ZHX2: variants seen among roughly 807,000 people sequenced by gnomAD.
The protein encoded by ZHX2 is zinc fingers and homeoboxes protein 2.
In ZHX2, 6 loss-of-function variants were observed where a neutral mutation model predicts 21.9. That is an observed-to-expected ratio of 0.27 (90% CI 0.15 to 0.54). The LOEUF (loss-of-function observed/expected upper bound fraction) is 0.54. ZHX2 is among the 20% of genes least tolerant of loss of function. The pLI, the probability that ZHX2 is intolerant of heterozygous loss-of-function variation, is 0.95. For synonymous variants in ZHX2, 434 were observed against 437.1 expected (o/e 0.99, Z 0.09); for missense variants, 908 against 1,090.7 (o/e 0.83, Z 2.36).
intron 2 of ZHX2, among the ~76,000 whole-genome samples, chr8:122,909,316 C>T (rs1443535730): frequency 2.6e-5 from 4 of 151,890 alleles, no homozygotes; most frequent in Non-Finnish European, 4.4e-5. Flanking sequence ...GCCTGTAGTC[C>T]CAGCTACTAA....
Position 122,953,778 on chromosome 8 carries a change from A to G in ZHX2, c.2268A>G (p.Ala756=). The G allele has an allele frequency of 6.2e-7, 1 of 1,614,268 alleles. No homozygotes were observed. Among genetic ancestry groups the G allele is most frequent in the Admixed American group, 1.7e-5 (1 of 60,036 alleles). The change falls in exon 3 of 4, where the codon GCA becomes GCG. Residue 756 remains alanine (A), a synonymous_variant. Transcript: ENST00000314393. This position sits in a 1 kb window ranked among gnomAD's most constrained non-coding sequence, Gnocchi z 4.6. ...VTRVKVGSEP[A]KDCLPAKPSE... ...GGGTAAAAGTAGGCAGCGAGCCAGC[A>G]AAAGACTGTTTGCCAGCAAAGCCCT...
chr8:122,913,041 A>C (rs1210529400), intron 2 of ZHX2, among the ~76,000 whole-genome samples: 1 of 152,150 alleles, frequency 6.6e-6, no homozygotes, highest in Non-Finnish European at 1.5e-5. Flanking sequence ...GTTCCCTCCA[A>C]ACTGCCCTGC....
At chr8:122,847,415 C>T (rs1203259249) in intron 1 of ZHX2, among the ~76,000 whole-genome samples, 1 of 152,188 alleles carries the variant, frequency 6.6e-6, no homozygotes, top group African/African-American at 2.4e-5. Flanking sequence ...TGACCTTCTC[C>T]AACAGGTTTC....
At chr8:122,808,103 A>G (rs1273660816) in intron 1 of ZHX2, among the ~76,000 whole-genome samples, 1 of 152,176 alleles carries the variant, frequency 6.6e-6, no homozygotes, top group Non-Finnish European at 1.5e-5. Context: ...CTCCTCATAT[A>G]TAAGATGGGG....
chr8:122,910,478 C>T (rs1001221367), intron 2 of ZHX2, among the ~76,000 whole-genome samples: 4 of 152,156 alleles, frequency 2.6e-5, no homozygotes, highest in Non-Finnish European at 4.4e-5. Flanking sequence ...GTTGTGAAAT[C>T]GGTTTAGCAG....
rs747105183 is a variant in ZHX2, at chr8:122,951,475, C to T, written c.-36C>T. The T allele has an allele frequency of 2.6e-6, 4 of 1,566,746 alleles. No individual in the cohort carries two copies. The Admixed American group carries it at 5.4e-5, about 21-fold the overall frequency. ...AATCTCACCGCCCCCTCCTTATCCC[C>T]CTCCAAAAATAAGCCATTGCACACA... On this transcript the variant is annotated 5_prime_UTR_variant, in exon 3 of 4. Transcript: ENST00000314393.
At chr8:122,812,846 C>T (rs1041373363) in intron 1 of ZHX2, among the ~76,000 whole-genome samples, 1 of 152,058 alleles carries the variant, frequency 6.6e-6, no homozygotes, top group Non-Finnish European at 1.5e-5. Flanking sequence ...TGTGCCTGGC[C>T]CTGTTGTAAG....
chr8:122,927,062 A>G (rs7832373), intron 2 of ZHX2, among the ~76,000 whole-genome samples: 52,275 of 152,138 alleles, frequency 0.34, 10,535 homozygotes, highest in African/African-American at 0.57. Context: ...GGAGGACCAC[A>G]ATGCTGCCCA....
chr8:122,805,649 C>T (rs1000553457), intron 1 of ZHX2, among the ~76,000 whole-genome samples: 3 of 151,556 alleles, frequency 2.0e-5, no homozygotes, highest in African/African-American at 7.3e-5. Flanking sequence ...AACATAAGAG[C>T]TTCTGTCCTA....
chr8:122,928,452 G>A (rs9792167), intron 2 of ZHX2, among the ~76,000 whole-genome samples: 42,136 of 151,880 alleles, frequency 0.28, 6,336 homozygotes, highest in African/African-American at 0.41. Context: ...GAGGTTTGGG[G>A]GGTACCTTGG....
At chr8:122,893,023 C>T (rs1490653107) in intron 2 of ZHX2, among the ~76,000 whole-genome samples, 2 of 152,182 alleles carry the variant, frequency 1.3e-5, no homozygotes, top group East Asian at 3.8e-4. Flanking sequence ...ATGATGATTT[C>T]CCTCATTTTT....
At chr8:122,972,630 T>G (rs1194854636) in intron 3 of ZHX2, among the ~76,000 whole-genome samples, 1 of 152,188 alleles carries the variant, frequency 6.6e-6, no homozygotes, top group East Asian at 1.9e-4. Flanking sequence ...TCCTACCACG[T>G]TTGGAAAAGG....
intron 1 of ZHX2, among the ~76,000 whole-genome samples, chr8:122,847,219 G>A (rs574060170): frequency 5.3e-5 from 8 of 152,192 alleles, no homozygotes; most frequent in South Asian, 2.1e-4. Context: ...AAATTCTTCC[G>A]TCCTCTGTGT....
intron 3 of ZHX2, among the ~76,000 whole-genome samples, chr8:122,961,581 T>TA (rs1259409935): frequency 6.6e-6 from 1 of 152,140 alleles, no homozygotes; most frequent in African/African-American, 2.4e-5. Context: ...TCAGGAAACT[T>TA]ACGATCATGG....
intron 3 of ZHX2, among the ~76,000 whole-genome samples, chr8:122,955,565 G>A (rs1039173092): frequency 3.3e-5 from 5 of 152,034 alleles, no homozygotes; most frequent in East Asian, 1.9e-4. Context: ...AGTTCCATCC[G>A]CTATTAAAAG....
At chr8:122,918,672 C>T (rs868130299) in intron 2 of ZHX2, among the ~76,000 whole-genome samples, 14 of 152,242 alleles carry the variant, frequency 9.2e-5, no homozygotes, top group African/African-American at 2.6e-4. Context: ...TACGTCCGGG[C>T]GCGGTGGCTC....
chr8:122,857,298 A>T (rs1220303641), intron 1 of ZHX2, among the ~76,000 whole-genome samples: 2 of 152,032 alleles, frequency 1.3e-5, no homozygotes, highest in Non-Finnish European at 2.9e-5. Context: ...TTGTTGAAAG[A>T]ATGAAGAGAC....
intron 3 of ZHX2, among the ~76,000 whole-genome samples, chr8:122,963,270 C>A (rs1813501394): frequency 1.3e-5 from 2 of 152,230 alleles, no homozygotes; most frequent in Middle Eastern, 3.4e-3. Flanking sequence ...AGATTTAAGT[C>A]TTTTATTCAT....
At chr8:122,887,050 CGTGTGTGTGT>C (rs10549696) in intron 2 of ZHX2, among the ~76,000 whole-genome samples, 4,145 of 136,394 alleles carry the variant, frequency 0.03, 62 homozygotes, top group African/African-American at 0.05. Flanking sequence ...GCTCTGCCAC[CGTGTGTGTGT>C]GTGTGTGTGT....
Sources: allele counts gnomAD v4.1 joint callset (sites outside exome capture counted in the v4.1 genomes callset), GRCh38; gene constraint gnomAD v4.1.1; non-coding constraint Gnocchi (gnomAD v3.1); transcripts MANE v1.5; gene names NCBI Gene and HGNC (gene_info 2026-07-23, HGNC 2026-07-21).